VCL: variants seen among roughly 807,000 people sequenced by gnomAD.
VCL encodes vinculin.
Under a neutral mutation model 125.7 loss-of-function variants are expected in VCL, and 47 were observed. The observed-to-expected ratio is 0.37, with a 90% CI of 0.30 to 0.48. VCL has a LOEUF of 0.48. VCL is among the 20% of genes least tolerant of loss of function. The probability of loss-of-function intolerance (pLI) is 0.99; values close to 1 mark genes in which losing one functional copy is unlikely to be tolerated. For missense variants in VCL, 1,069 were observed against 1,455.5 expected (o/e 0.73, Z 4.32); for synonymous variants, 458 against 514.6 (o/e 0.89, Z 1.49).
intron 8 of VCL, among the ~76,000 whole-genome samples, chr10:74,086,724 T>A (rs1279131729): frequency 2.6e-5 from 4 of 152,242 alleles, no homozygotes; most frequent in African/African-American, 9.6e-5. Context: ...GCTAGAACAG[T>A]GAAGGGTAAC....
At chr10:74,093,670 A>G (rs1839924029) in intron 10 of VCL, among the ~76,000 whole-genome samples, 1 of 151,818 alleles carries the variant, frequency 6.6e-6, no homozygotes, top group African/African-American at 2.4e-5. Flanking sequence ...GTGGTGGTGC[A>G]TACCTATAGT....
At position 74,118,031 on chromosome 10, in the gene VCL, G is replaced by C. The variant is rs149300310; in HGVS notation, c.3267G>C (p.Glu1089Asp). 1.9e-5 allele frequency: 31 copies of C among 1,614,040 alleles called. No individual in the cohort carries two copies. In the South Asian group the frequency reaches 2.2e-4, roughly 11 times the overall value. Residue 1089 changes from glutamate (E) to aspartate (D), a missense_variant, in exon 22 of 22, where the codon GAG becomes GAC. Around this residue, in one of 6 missense-constraint regions of VCL, gnomAD observed 91 missense variants for 203.9 expected, o/e 0.45. Coordinates refer to ENST00000211998, the MANE Select transcript of VCL (RefSeq NM_014000.3). ...ISDEESEQAT[E>D]MLVHNAQNLM... ...TACCTTTTTCCTTGCAGGCCACAGA[G>C]ATGCTGGTTCACAATGCCCAGAACC... is the stretch of plus-strand genomic sequence containing the variant.
intron 1 of VCL, among the ~76,000 whole-genome samples, chr10:74,039,754 C>A (rs1227748154): frequency 1.3e-5 from 2 of 151,642 alleles, no homozygotes; most frequent in Non-Finnish European, 2.9e-5. Context: ...GGATATGGGG[C>A]CAGATCATGT....
chr10:74,011,213 T>C (rs1337967266), intron 1 of VCL, among the ~76,000 whole-genome samples: 1 of 149,440 alleles, frequency 6.7e-6, no homozygotes, highest in Non-Finnish European at 1.5e-5. Flanking sequence ...AAATAACCAT[T>C]GATTAAATTA....
intron 1 of VCL, among the ~76,000 whole-genome samples, chr10:74,038,349 G>A (rs1385531140): frequency 1.3e-5 from 2 of 152,158 alleles, no homozygotes; most frequent in South Asian, 2.1e-4. Context: ...AATGGGTACT[G>A]TATTGGGCGG....
intron 21 of VCL, among the ~76,000 whole-genome samples, chr10:74,115,800 G>A (rs1840303359): frequency 6.6e-6 from 1 of 152,212 alleles, no homozygotes; most frequent in African/African-American, 2.4e-5. Flanking sequence ...ATAGAAATAA[G>A]GATGCTGAGA....
At chr10:74,092,477 G>C (rs1031009576) in intron 10 of VCL, among the ~76,000 whole-genome samples, 4 of 152,150 alleles carry the variant, frequency 2.6e-5, no homozygotes, top group African/African-American at 9.7e-5. Context: ...TGAAAATAGA[G>C]GCACCTCATC....
chr10:74,077,608 A>G, intron 6 of VCL: 2 of 362,456 alleles, frequency 5.5e-6, no homozygotes, highest in South Asian at 4.2e-5. Flanking sequence ...CATTCTGTTT[A>G]ATGCATACAG....
At position 74,097,227 on chromosome 10, in the gene VCL, G is replaced by A. The variant is rs878854971; in HGVS notation, c.1767G>A (p.Glu589=). 23 of 1,613,930 alleles carry A rather than the reference G, an allele frequency of 1.4e-5. No homozygotes were observed. Among genetic ancestry groups the A allele is most frequent in the Non-Finnish European group, 1.9e-5 (22 of 1,179,990 alleles). The change falls in exon 13 of 22, where the codon GAG becomes GAA. Residue 589 remains glutamate, a synonymous_variant. Coordinates refer to ENST00000211998, the MANE Select transcript of VCL (RefSeq NM_014000.3). This position sits in a 1 kb window ranked among gnomAD's most constrained non-coding sequence, Gnocchi z 4.1. ...SLKDLKARMQ[E]AMTQEVSDVF... ...AGGATCTAAAAGCTCGGATGCAGGA[G>A]GCCATGACTCAGGAAGTGTCAGATG... is the stretch of plus-strand genomic sequence containing the variant.
At chr10:74,062,789 C>G (rs144915845) in intron 2 of VCL, among the ~76,000 whole-genome samples, 29 of 151,988 alleles carry the variant, frequency 1.9e-4, no homozygotes, top group Non-Finnish European at 1.3e-4. Flanking sequence ...CTTCCTTGGC[C>G]GGGTGCAGTG....
chr10:74,001,382 C>G (rs1476842202), intron 1 of VCL, among the ~76,000 whole-genome samples: 1 of 152,106 alleles, frequency 6.6e-6, no homozygotes, highest in African/African-American at 2.4e-5. Context: ...CCAGGCTGGT[C>G]TCGAATCCCT....
intron 2 of VCL, among the ~76,000 whole-genome samples, chr10:74,050,066 G>A (rs77543083): frequency 0.016 from 2,362 of 152,292 alleles, 70 homozygotes; most frequent in African/African-American, 0.054. Context: ...AGAACTGAAT[G>A]GATCAAAAAG....
intron 8 of VCL, among the ~76,000 whole-genome samples, chr10:74,085,181 C>T (rs571325939): frequency 6.2e-4 from 95 of 152,340 alleles, no homozygotes; most frequent in African/African-American, 2.2e-3. Context: ...GCGTGAGCCA[C>T]CACTCCTGGC....
At chr10:74,115,029 C>A (rs1042262797) in intron 21 of VCL, 130 bp downstream of exon 21, 5 of 930,602 alleles carry the variant, frequency 5.4e-6, no homozygotes, top group African/African-American at 4.9e-5. Flanking sequence ...TGCACTCAGA[C>A]TGTCTCAGGA....
downstream of VCL, chr10:74,120,356 C>T (rs1051272859): frequency 2.0e-5 from 3 of 152,102 alleles, no homozygotes; most frequent in Admixed American, 1.3e-4. Flanking sequence ...ACAAGACAAC[C>T]CTGGGGATTA....
At chr10:74,007,636 C>T (rs907201080) in intron 1 of VCL, among the ~76,000 whole-genome samples, 2 of 151,878 alleles carry the variant, frequency 1.3e-5, no homozygotes, top group Non-Finnish European at 2.9e-5. Context: ...CCTGGGATTA[C>T]AGGCACGTGC....
chr10:74,008,383 T>C (rs1840357926), intron 1 of VCL, among the ~76,000 whole-genome samples: 2 of 152,238 alleles, frequency 1.3e-5, no homozygotes, highest in African/African-American at 4.8e-5. Context: ...ATTTCAGCTA[T>C]GCAGATCACT....
chr10:74,069,865 G>T (rs1011180343), intron 2 of VCL, among the ~76,000 whole-genome samples: 3 of 152,142 alleles, frequency 2.0e-5, no homozygotes, highest in African/African-American at 7.2e-5. Flanking sequence ...TGAATCCCCC[G>T]CCCAGCTCCC....
At chr10:74,052,734 TGTAGTA>T (rs1249626803) in intron 2 of VCL, among the ~76,000 whole-genome samples, 1 of 151,912 alleles carries the variant, frequency 6.6e-6, no homozygotes, top group Non-Finnish European at 1.5e-5. Context: ...TGTAGTCTTC[TGTAGTA>T]AGACTTTTTT....
Sources: gnomAD v4.1 joint callset for allele counts (sites outside exome capture counted in the v4.1 genomes callset) on GRCh38, gnomAD v4.1.1 for gene constraint, gnomAD v4.1.1 regional missense constraint, Gnocchi (gnomAD v3.1) non-coding constraint, MANE v1.5 for transcripts, NCBI Gene and HGNC (gene_info 2026-07-23, HGNC 2026-07-21) for gene names.